CEP83: variants seen among roughly 807,000 people sequenced by gnomAD.
CEP83 encodes the protein centrosomal protein 83.
Under a neutral mutation model 101.9 loss-of-function variants are expected in CEP83, and 70 were observed. That is an observed-to-expected ratio of 0.69 (90% CI 0.57 to 0.84). CEP83 has a LOEUF of 0.84. Ranked by LOEUF, CEP83 falls within the 40% of genes least tolerant of loss-of-function variation. CEP83 has a pLI of 0.00. For synonymous variants in CEP83, 264 were observed against 267.9 expected (o/e 0.99, Z 0.14); for missense variants, 715 against 787.2 (o/e 0.91, Z 1.10).
At chr12:94,281,894 G>A in the CEP83 span, 8 of 197,336 alleles carry the variant, frequency 4.1e-5, no homozygotes, top group South Asian at 1.6e-4. Flanking sequence ...TGGGACCTTC[G>A]CACACTGATG....
intron 1 of CEP83, among the ~76,000 whole-genome samples, chr12:94,451,467 CAAAAAAA>C (rs34200750): frequency 9.7e-6 from 1 of 102,664 alleles, no homozygotes; most frequent in African/African-American, 3.7e-5. Context: ...TCAGTAAGAC[CAAAAAAA>C]AAAAAAAAAA....
intron 11 of CEP83, among the ~76,000 whole-genome samples, chr12:94,356,934 A>ATGAT (rs1470903282): frequency 1.3e-5 from 2 of 152,192 alleles, no homozygotes; most frequent in African/African-American, 4.8e-5. Flanking sequence ...GTCATGCAGG[A>ATGAT]TGATGCCATA....
intron 1 of CEP83, among the ~76,000 whole-genome samples, chr12:94,455,822 A>G (rs1466139399): frequency 6.6e-6 from 1 of 152,118 alleles, no homozygotes; most frequent in Non-Finnish European, 1.5e-5. Context: ...AGGTGGGTGA[A>G]TCACTTGAGG....
chr12:94,292,149 A>G, the CEP83 span, among the ~76,000 whole-genome samples: 2 of 152,248 alleles, frequency 1.3e-5, no homozygotes, highest in Non-Finnish European at 2.9e-5. Flanking sequence ...TTGCAACATG[A>G]ATACATGTCA....
At chr12:94,344,613 T>C (rs141967339) in intron 11 of CEP83, among the ~76,000 whole-genome samples, 2 of 152,170 alleles carry the variant, frequency 1.3e-5, no homozygotes, top group East Asian at 1.9e-4. Flanking sequence ...AGAAATAAAA[T>C]TGAATCAAAG....
chr12:94,424,557 A>G, intron 2 of CEP83: 1 of 1,613,612 alleles, frequency 6.2e-7, no homozygotes, highest in South Asian at 1.1e-5. Flanking sequence ...TTTGAGATGT[A>G]TAAATTTGTG....
intron 5 of CEP83, 185 bp from the exon 6 acceptor site, chr12:94,401,166 G>A (rs2063231486): frequency 3.5e-6 from 1 of 284,406 alleles, no homozygotes; most frequent in African/African-American, 2.2e-5. Context: ...ACATACAGAA[G>A]TAGTACATTC....
At chr12:94,309,829 T>C in intron 16 of CEP83, 89 bp downstream of exon 16, 1 of 844,888 alleles carries the variant, frequency 1.2e-6, no homozygotes, top group Non-Finnish European at 1.8e-6. Context: ...CTGACCAAAG[T>C]TATAATTTGA....
At position 94,372,085 on chromosome 12, in the gene CEP83, T is replaced by C. The variant is rs191115367; in HGVS notation, c.934-2049A>G. On this transcript the variant is annotated intron_variant, in intron 8 of 16. Transcript: ENST00000397809. ...GTCTCCTGGGTTCAAGCAAATTCTC[T>C]GCCTCAGCCTCCTGAGTAGCTAGGA... Among the ~76,000 whole-genome samples the C allele has an allele frequency of 2.1e-3, 324 of 152,296 alleles. 1 individual carries two copies. The highest frequency in any genetic ancestry group is 7.5e-3 in the African/African-American group (312 of 41,566).
intron 14 of CEP83, among the ~76,000 whole-genome samples, chr12:94,320,727 C>T (rs1239172825): frequency 6.6e-6 from 1 of 152,194 alleles, no homozygotes; most frequent in African/African-American, 2.4e-5. Flanking sequence ...TCCCCAGTCT[C>T]TCCTGGCTTG....
intron 6 of CEP83, among the ~76,000 whole-genome samples, chr12:94,398,933 G>C (rs897473837): frequency 6.6e-6 from 1 of 152,106 alleles, no homozygotes; most frequent in African/African-American, 2.4e-5. Flanking sequence ...ATTAAGATTG[G>C]GAAACCCCAC....
chr12:94,339,242 A>C (rs2136591809), intron 11 of CEP83, among the ~76,000 whole-genome samples: 1 of 152,324 alleles, frequency 6.6e-6, no homozygotes, highest in South Asian at 2.1e-4. Context: ...TGCTATTTCG[A>C]CATTCAACAA....
intron 11 of CEP83, among the ~76,000 whole-genome samples, chr12:94,349,805 A>C (rs2060119566): frequency 6.6e-6 from 1 of 152,228 alleles, no homozygotes; most frequent in Admixed American, 6.5e-5. Flanking sequence ...GAATTCAGCA[A>C]AGTAGCTGAA....
At chr12:94,391,363 T>C (rs2062521597) in intron 6 of CEP83, among the ~76,000 whole-genome samples, 1 of 152,208 alleles carries the variant, frequency 6.6e-6, no homozygotes. Flanking sequence ...CAGAATTTCA[T>C]ATCCAGCCAA....
rs56372938 is a variant in CEP83 at position 94,413,825 on chromosome 12, T to TACAC, written c.-101-1238_-101-1235dup. Among the ~76,000 whole-genome samples, 898 of 140,468 alleles carry TACAC rather than the reference T, an allele frequency of 6.4e-3. 4 individuals are homozygous for TACAC. Among genetic ancestry groups the TACAC allele is most frequent in the South Asian group, 0.016 (69 of 4,222 alleles). The allele number at this position is 140,468 out of a possible 152,430, so 92.2% of individuals were successfully genotyped here. ...TTTCTTTCTCTAGTCCCATAATACA[T>TACAC]ACACACACACACACACACACACACA... On this transcript the variant is annotated intron_variant, in intron 2 of 16. Coordinates refer to ENST00000397809, the MANE Select transcript of CEP83 (RefSeq NM_016122.3).
chr12:94,275,854 CAAAAAAAAAAAAA>C, the CEP83 span, among the ~76,000 whole-genome samples: 25 of 23,102 alleles, frequency 1.1e-3, 2 homozygotes, highest in East Asian at 0.013. Flanking sequence ...GACTCCGTCT[CAAAAAAAAAAAAA>C]AAAAAAAAAA....
intron 14 of CEP83, 76 bp downstream of exon 14, chr12:94,331,624 C>T (rs569079605): frequency 8.4e-6 from 11 of 1,312,764 alleles, no homozygotes; most frequent in East Asian, 4.7e-5. Context: ...CACCTGCCTC[C>T]GCCTCCCAAA....
At chr12:94,445,797 A>G (rs2066755838) in intron 1 of CEP83, among the ~76,000 whole-genome samples, 1 of 152,198 alleles carries the variant, frequency 6.6e-6, no homozygotes, top group Admixed American at 6.5e-5. Context: ...GGAGATTGAA[A>G]TTGTCCCAGT....
At chr12:94,331,674 A>C (rs756571243) in intron 14 of CEP83, 26 bp downstream of exon 14, 16 of 1,610,614 alleles carry the variant, frequency 9.9e-6, no homozygotes, top group African/African-American at 1.3e-5. Flanking sequence ...GCCTGGCCAG[A>C]GATCACTTTA....
Sources: gnomAD v4.1 joint callset for allele counts (sites outside exome capture counted in the v4.1 genomes callset) on GRCh38, gnomAD v4.1.1 for gene constraint, MANE v1.5 for transcripts, NCBI Gene and HGNC (gene_info 2026-07-23, HGNC 2026-07-21) for gene names.